RAB4A: variants seen among roughly 807,000 people sequenced by gnomAD.
RAB4A encodes ras-related protein Rab-4A.
A neutral mutation model predicts 34.5 loss-of-function variants in RAB4A; 20 were observed. The ratio of observed to expected loss-of-function variants is 0.58; its 90% CI spans 0.41 to 0.84. RAB4A has a LOEUF of 0.84. RAB4A is among the 40% of genes least tolerant of loss of function. RAB4A has a pLI of 0.00. For missense variants in RAB4A, 228 were observed against 274.5 expected (o/e 0.83, Z 1.20); for synonymous variants, 102 against 100.0 (o/e 1.02, Z -0.12).
At chr1:229,300,070 A>G (rs1465909459) in intron 6 of RAB4A, among the ~76,000 whole-genome samples, 1 of 152,218 alleles carries the variant, frequency 6.6e-6, no homozygotes, top group African/African-American at 2.4e-5. Context: ...TAGATTACCA[A>G]TTGTCAACCC....
chr1:229,284,693 G>A (rs1182781103), intron 1 of RAB4A, among the ~76,000 whole-genome samples: 1 of 152,034 alleles, frequency 6.6e-6, no homozygotes, highest in Non-Finnish European at 1.5e-5. Flanking sequence ...GTATTTATGT[G>A]TAGATTTATC....
At chr1:229,303,675 G>A (rs542409736) in intron 7 of RAB4A, 131 bp from the exon 8 acceptor site, 2 of 152,154 alleles carry the variant, frequency 1.3e-5, no homozygotes, top group South Asian at 2.1e-4. Flanking sequence ...ATTTATAGTC[G>A]ACATCATGTA....
At chr1:229,295,244 A>G (rs1657209721) in intron 3 of RAB4A, among the ~76,000 whole-genome samples, 1 of 152,094 alleles carries the variant, frequency 6.6e-6, no homozygotes, top group African/African-American at 2.4e-5. Context: ...CCGGCCACTA[A>G]TGGGAAAAAT....
At chr1:229,300,119 C>A (rs1337510987) in intron 6 of RAB4A, among the ~76,000 whole-genome samples, 1 of 152,230 alleles carries the variant, frequency 6.6e-6, no homozygotes, top group Non-Finnish European at 1.5e-5. Flanking sequence ...ATTAAAAGTT[C>A]TAATCCCAGG....
chr1:229,295,919 A>C lies in RAB4A; in HGVS notation c.290+9A>C. On this transcript the variant is annotated intron_variant, in intron 4 of 7. Transcript: ENST00000366690. ...GTCTATGATATCACCAGGTAATGCC[A>C]GCTCCCCCTGGTGAAGGAGGGTGCT... 6.2e-7 allele frequency: 1 copy of C among 1,613,962 alleles called. No individual in the cohort carries two copies. The highest frequency in any genetic ancestry group is 1.7e-5 in the Admixed American group (1 of 60,016).
intron 1 of RAB4A, among the ~76,000 whole-genome samples, chr1:229,280,796 T>G (rs1264848166): frequency 2.0e-5 from 3 of 152,186 alleles, no homozygotes; most frequent in Non-Finnish European, 2.9e-5. Context: ...TATCACCACA[T>G]TTTCCTTAGC....
At chr1:229,288,383 C>T (rs2102844883) in intron 2 of RAB4A, among the ~76,000 whole-genome samples, 1 of 152,334 alleles carries the variant, frequency 6.6e-6, no homozygotes, top group Middle Eastern at 3.4e-3. Flanking sequence ...TTATGCCCTT[C>T]AGAATGGTAC....
intron 7 of RAB4A, among the ~76,000 whole-genome samples, chr1:229,303,231 C>T (rs901593969): frequency 1.3e-5 from 2 of 151,872 alleles, no homozygotes; most frequent in Non-Finnish European, 2.9e-5. Context: ...GGCGTGGTGG[C>T]GTGCACCTGT....
At chr1:229,291,474 G>A (rs1261511329) in intron 3 of RAB4A, among the ~76,000 whole-genome samples, 1 of 152,200 alleles carries the variant, frequency 6.6e-6, no homozygotes, top group African/African-American at 2.4e-5. Flanking sequence ...GAACAAGTGA[G>A]GGGCTCTGTA....
intron 2 of RAB4A, 33 bp from the exon 3 acceptor site, chr1:229,288,696 A>G (rs745352694): frequency 8.7e-7 from 1 of 1,155,910 alleles, no homozygotes; most frequent in South Asian, 1.3e-5. Context: ...ATGTTCTAAA[A>G]TTAAATATGC....
chr1:229,275,234 G>C (rs1426372830), intron 1 of RAB4A, among the ~76,000 whole-genome samples: 1 of 152,138 alleles, frequency 6.6e-6, no homozygotes, highest in East Asian at 1.9e-4. Context: ...GGGAAACTTA[G>C]ACACAAATGC....
chr1:229,277,101 A>G (rs1186752660), intron 1 of RAB4A, among the ~76,000 whole-genome samples: 5 of 148,794 alleles, frequency 3.4e-5, no homozygotes, highest in African/African-American at 1.0e-4. Flanking sequence ...TTATTATTAT[A>G]TCAGTGGAAA....
At chr1:229,296,114 G>A (rs1657245647) in intron 4 of RAB4A, among the ~76,000 whole-genome samples, 1 of 152,228 alleles carries the variant, frequency 6.6e-6, no homozygotes, top group South Asian at 2.1e-4. Flanking sequence ...CCCCTGCAGA[G>A]AAATGTGTTT....
chr1:229,285,627 G>T (rs1360188369), intron 1 of RAB4A, among the ~76,000 whole-genome samples: 2 of 152,172 alleles, frequency 1.3e-5, no homozygotes, highest in Non-Finnish European at 2.9e-5. Context: ...GGGATTAGCA[G>T]TGGTGGGTCA....
At chr1:229,293,537 A>G (rs1657150142) in intron 3 of RAB4A, among the ~76,000 whole-genome samples, 1 of 152,104 alleles carries the variant, frequency 6.6e-6, no homozygotes, top group Non-Finnish European at 1.5e-5. Context: ...CCAAATATAT[A>G]TTTTTTAATT....
At chr1:229,296,018 C>A in intron 4 of RAB4A, 108 bp downstream of exon 4, 1 of 1,160,500 alleles carries the variant, frequency 8.6e-7, no homozygotes, top group Non-Finnish European at 1.2e-6. Context: ...TGTCCAGGGA[C>A]GGTGGTGTGG....
intron 1 of RAB4A, among the ~76,000 whole-genome samples, chr1:229,279,140 C>A (rs1284059279): frequency 6.6e-6 from 1 of 152,212 alleles, no homozygotes; most frequent in African/African-American, 2.4e-5. Context: ...TACCCAAATT[C>A]TAGTGCTATA....
intron 5 of RAB4A, 61 bp from the exon 6 acceptor site, chr1:229,298,916 G>A: frequency 8.0e-7 from 1 of 1,247,142 alleles, no homozygotes; most frequent in Admixed American, 1.9e-5. Context: ...ACAGGCTTTT[G>A]TAAGTGAAAA....
At chr1:229,302,161 C>T (rs1331036401) in intron 6 of RAB4A, among the ~76,000 whole-genome samples, 2 of 148,874 alleles carry the variant, frequency 1.3e-5, no homozygotes, top group Non-Finnish European at 3.0e-5. Context: ...AAGGACCGCT[C>T]AACCTATGTG....
Sources: gnomAD v4.1 joint callset for allele counts (sites outside exome capture counted in the v4.1 genomes callset) on GRCh38, gnomAD v4.1.1 for gene constraint, MANE v1.5 for transcripts, NCBI Gene and HGNC (gene_info 2026-07-23, HGNC 2026-07-21) for gene names.